NUDT3: variants seen among roughly 807,000 people sequenced by gnomAD.
NUDT3 encodes diphosphoinositol polyphosphate phosphohydrolase 1.
A neutral mutation model predicts 23.6 loss-of-function variants in NUDT3; 9 were observed. The ratio of observed to expected loss-of-function variants is 0.38; its 90% CI spans 0.23 to 0.66. The LOEUF is 0.66. Among genes scored for constraint, NUDT3 ranks in the 30% least tolerant of loss-of-function variants. The pLI is 0.52. For missense variants in NUDT3, 172 were observed against 218.5 expected, an observed-to-expected ratio of 0.79 and a Z score of 1.34; for synonymous variants, 86 against 82.6, an observed-to-expected ratio of 1.04 and a Z score of -0.22.
chr6:34,312,677 T>C (rs532112553), intron 2 of NUDT3, among the ~76,000 whole-genome samples: 10 of 152,308 alleles, frequency 6.6e-5, no homozygotes, highest in African/African-American at 2.4e-4. Flanking sequence ...GTTCCATTTA[T>C]TTATATGTCT....
intron 2 of NUDT3, among the ~76,000 whole-genome samples, chr6:34,331,288 CTT>C (rs537474751): frequency 0.11 from 15,089 of 138,720 alleles, 809 homozygotes; most frequent in Non-Finnish European, 0.13. Context: ...TTCAAACTTT[CTT>C]TTTTTTTTTT....
At chr6:34,340,897 G>A (rs184082980) in intron 2 of NUDT3, among the ~76,000 whole-genome samples, 1 of 152,338 alleles carries the variant, frequency 6.6e-6, no homozygotes, top group Admixed American at 6.5e-5. Context: ...TAGGAATTCA[G>A]AGTGAGGAAA....
intron 2 of NUDT3, among the ~76,000 whole-genome samples, chr6:34,337,038 T>C (rs1764218596): frequency 6.6e-6 from 1 of 152,240 alleles, no homozygotes; most frequent in Non-Finnish European, 1.5e-5. Context: ...TCTCTGTTGA[T>C]AAAACTGGAA....
intron 2 of NUDT3, among the ~76,000 whole-genome samples, chr6:34,311,073 C>A (rs1239541174): frequency 6.6e-6 from 1 of 150,606 alleles, no homozygotes; most frequent in East Asian, 1.9e-4. Flanking sequence ...AAAAAACTAT[C>A]GCTAACATCA....
Position 34,286,480 on chromosome 6 carries a change from A to G in NUDT3, c.*2273T>C, listed in dbSNP as rs1763335692. 1 of 152,170 alleles carries G rather than the reference A, an allele frequency of 6.6e-6. No individual in the cohort carries two copies. The highest frequency in any genetic ancestry group is 1.5e-5 in the Non-Finnish European group (1 of 68,016). The allele number at this position is 152,170 out of a possible 1,614,324, so 9.4% of individuals were successfully genotyped here. A position where few individuals can be genotyped will look rare whatever the true frequency, so the allele number is the denominator to read the frequency against. ...TTATCTGGAAGAATGTGTTTTTTGAATTCCACCTGGCACTTGGTTAAATCT... is the reference window on the plus strand; with the variant it reads ...TTATCTGGAAGAATGTGTTTTTTGAGTTCCACCTGGCACTTGGTTAAATCT... On this transcript the variant is annotated 3_prime_UTR_variant, in exon 5 of 5. Transcript: ENST00000607016.
intron 2 of NUDT3, among the ~76,000 whole-genome samples, chr6:34,327,664 T>C (rs1056502973): frequency 6.6e-6 from 1 of 152,182 alleles, no homozygotes; most frequent in Non-Finnish European, 1.5e-5. Flanking sequence ...GCGTGACCAC[T>C]GAAGCACAGC....
chr6:34,331,483 T>C (rs944493093), intron 2 of NUDT3, among the ~76,000 whole-genome samples: 8 of 152,232 alleles, frequency 5.3e-5, no homozygotes, highest in Non-Finnish European at 1.2e-4. Context: ...CAGGGAAATC[T>C]AAGCAGATAT....
intron 2 of NUDT3, among the ~76,000 whole-genome samples, chr6:34,313,367 CAG>C (rs1182121458): frequency 6.6e-6 from 1 of 152,012 alleles, no homozygotes; most frequent in Non-Finnish European, 1.5e-5. Context: ...GGATGATACA[CAG>C]AGCACAGAGG....
chr6:34,322,332 G>A (rs754354497), intron 2 of NUDT3, among the ~76,000 whole-genome samples: 4 of 151,724 alleles, frequency 2.6e-5, no homozygotes, highest in Non-Finnish European at 4.4e-5. Context: ...CCGGGTTCAC[G>A]CCATTCTCCT....
intron 1 of NUDT3, among the ~76,000 whole-genome samples, chr6:34,384,304 A>G (rs1289824041): frequency 2.0e-5 from 3 of 152,186 alleles, no homozygotes; most frequent in Non-Finnish European, 4.4e-5. Flanking sequence ...AGTACAACAA[A>G]CGAACCTAAC....
intron 2 of NUDT3, among the ~76,000 whole-genome samples, chr6:34,301,773 C>T (rs930975940): frequency 3.3e-5 from 5 of 151,850 alleles, no homozygotes; most frequent in Non-Finnish European, 7.4e-5. Context: ...CAAACTGATA[C>T]ACTCTCCAAA....
intron 2 of NUDT3, among the ~76,000 whole-genome samples, chr6:34,334,988 AAGAG>A (rs920552589): frequency 4.0e-5 from 6 of 151,696 alleles, no homozygotes; most frequent in South Asian, 2.1e-4. Flanking sequence ...AAAGAGAGAG[AAGAG>A]AGAGAGAGGA....
Position 34,375,133 on chromosome 6 carries a change from A to C in NUDT3, c.99+17131T>G, listed in dbSNP as rs138935257. 9.2e-3 allele frequency among the ~76,000 whole-genome samples: 1,402 copies of C among 152,322 alleles called. 15 individuals are homozygous for C. Among genetic ancestry groups the C allele is most frequent in the Middle Eastern group, 0.024 (7 of 294 alleles). ...CGAGGTAGGCGGATCACCCGAGGTC[A>C]GGAGTTCGAGACCAGCCTGACCAAC... On this transcript the variant is annotated intron_variant, in intron 1 of 4. Transcript: ENST00000607016.
intron 1 of NUDT3, among the ~76,000 whole-genome samples, chr6:34,368,492 T>A (rs1764774510): frequency 6.6e-6 from 1 of 152,168 alleles, no homozygotes; most frequent in African/African-American, 2.4e-5. Context: ...TCTGGTTTAT[T>A]TGGCTGTCAT....
chr6:34,289,898 T>C (rs1040122308), intron 4 of NUDT3, among the ~76,000 whole-genome samples: 2 of 152,140 alleles, frequency 1.3e-5, no homozygotes, highest in Admixed American at 1.3e-4. Flanking sequence ...GAAACAATCT[T>C]GAGACAACCA....
At chr6:34,322,366 G>GA (rs1763957026) in intron 2 of NUDT3, among the ~76,000 whole-genome samples, 1 of 152,012 alleles carries the variant, frequency 6.6e-6, no homozygotes, top group East Asian at 1.9e-4. Context: ...GAGTAGCTGG[G>GA]CTATAGGCAC....
At chr6:34,313,327 C>T (rs1763804396) in intron 2 of NUDT3, among the ~76,000 whole-genome samples, 1 of 151,998 alleles carries the variant, frequency 6.6e-6, no homozygotes, top group Non-Finnish European at 1.5e-5. Context: ...AGTAAAAGAT[C>T]AGTGGTTGTC....
chr6:34,373,979 C>A (rs1385893216), intron 1 of NUDT3, among the ~76,000 whole-genome samples: 1 of 151,836 alleles, frequency 6.6e-6, no homozygotes, highest in Non-Finnish European at 1.5e-5. Flanking sequence ...CATGGTGAAA[C>A]CCTGTCTCTA....
Position 34,286,518 on chromosome 6 carries a change from CCTTT to C in NUDT3, c.*2231_*2234del, listed in dbSNP as rs1044087031. 5 of 151,836 alleles carry C rather than the reference CCTTT, an allele frequency of 3.3e-5. No homozygotes were observed. The highest frequency in any genetic ancestry group is 1.2e-4 in the African/African-American group (5 of 41,342). The allele number at this position is 151,836 out of a possible 1,614,324, so 9.4% of individuals were successfully genotyped here. On this transcript the variant is annotated 3_prime_UTR_variant, in exon 5 of 5. Transcript: ENST00000607016. ...CTTGGTTAAATCTACTTTATTTTGCCCTTTATTTATTTGAACAGAACTTTAGAAT... is the reference window on the plus strand; with the variant it reads ...CTTGGTTAAATCTACTTTATTTTGCCATTTATTTGAACAGAACTTTAGAAT...
Sources: gnomAD v4.1 joint callset for allele counts (sites outside exome capture counted in the v4.1 genomes callset) on GRCh38, gnomAD v4.1.1 for gene constraint, MANE v1.5 for transcripts, NCBI Gene and HGNC (gene_info 2026-07-23, HGNC 2026-07-21) for gene names.